Variants in ZNF160 observed in about 807,000 individuals in gnomAD.
ZNF160 encodes KRAB zinc finger protein KR18.
A neutral mutation model predicts 13.1 loss-of-function variants in ZNF160; 9 were observed. That is an observed-to-expected ratio of 0.69 (90% CI 0.41 to 1.20). The LOEUF is 1.20. Among genes scored for constraint, ZNF160 ranks in the 50% most tolerant of loss-of-function variants. The pLI is 0.01. For missense variants in ZNF160, 838 were observed against 988.0 expected (o/e 0.85, Z 2.04); for synonymous variants, 293 against 333.2 (o/e 0.88, Z 1.31).
chr19:53,102,273 C>A (rs923287504), intron 1 of ZNF160, among the ~76,000 whole-genome samples: 1 of 152,150 alleles, frequency 6.6e-6, no homozygotes, highest in Non-Finnish European at 1.5e-5. Context: ...CCTGTTAAAT[C>A]CCCTCTTCCC....
chr19:53,080,161 C>A (rs564672371), intron 3 of ZNF160, among the ~76,000 whole-genome samples: 6 of 149,496 alleles, frequency 4.0e-5, no homozygotes, highest in African/African-American at 1.5e-4. Flanking sequence ...GGCTGGAGTG[C>A]GATCTTGGCT....
At chr19:53,080,415 T>A (rs1368574720) in intron 3 of ZNF160, among the ~76,000 whole-genome samples, 2 of 152,170 alleles carry the variant, frequency 1.3e-5, no homozygotes, top group Non-Finnish European at 2.9e-5. Flanking sequence ...GCAGTACTCT[T>A]AAACGCCAAT....
chr19:53,072,083 T>C (rs1220984505), intron 5 of ZNF160, among the ~76,000 whole-genome samples: 2 of 151,762 alleles, frequency 1.3e-5, no homozygotes, highest in Non-Finnish European at 2.9e-5. Flanking sequence ...AAGTGGTACA[T>C]GACAGTTATA....
intron 2 of ZNF160, among the ~76,000 whole-genome samples, chr19:53,089,469 C>T (rs1282577583): frequency 6.6e-6 from 1 of 152,158 alleles, no homozygotes; most frequent in Non-Finnish European, 1.5e-5. Flanking sequence ...GTTCTCGCCC[C>T]TACCCAACCC....
At chr19:53,086,137 A>G in intron 3 of ZNF160, 125 bp downstream of exon 3, 1 of 1,326,176 alleles carries the variant, frequency 7.5e-7, no homozygotes, top group Non-Finnish European at 1.1e-6. Flanking sequence ...GACTGAGGGA[A>G]GGCGCGGGTG....
At chr19:53,073,434 C>T (rs1056584215) in intron 5 of ZNF160, 4 of 1,598,412 alleles carry the variant, frequency 2.5e-6, no homozygotes, top group Non-Finnish European at 2.5e-6. Flanking sequence ...GCGGAGACGG[C>T]TGGAGACTCT....
intron 1 of ZNF160, among the ~76,000 whole-genome samples, chr19:53,093,844 T>C (rs2145943191): frequency 6.6e-6 from 1 of 152,258 alleles, no homozygotes; most frequent in Admixed American, 6.5e-5. Flanking sequence ...TACTGAATGT[T>C]CCTGTCACAC....
chr19:53,099,661 G>C (rs1392316365), intron 1 of ZNF160, among the ~76,000 whole-genome samples: 1 of 152,170 alleles, frequency 6.6e-6, no homozygotes, highest in Non-Finnish European at 1.5e-5. Flanking sequence ...TTAAAGGACT[G>C]AGTCCCATTT....
chr19:53,083,049 T>C (rs1047212840), intron 3 of ZNF160, among the ~76,000 whole-genome samples: 10 of 152,178 alleles, frequency 6.6e-5, no homozygotes, highest in East Asian at 5.8e-4. Context: ...CAGTGAAGTA[T>C]TGGAAAAGGG....
intron 3 of ZNF160, among the ~76,000 whole-genome samples, chr19:53,080,425 T>C (rs2145704064): frequency 6.6e-6 from 1 of 152,240 alleles, no homozygotes; most frequent in Non-Finnish European, 1.5e-5. Context: ...TAAACGCCAA[T>C]AATGTTCAAG....
chr19:53,084,092 C>A (rs10420066), intron 3 of ZNF160, among the ~76,000 whole-genome samples: 77,105 of 151,724 alleles, frequency 0.51, 20,033 homozygotes, highest in Middle Eastern at 0.61. Context: ...AGGAGGTTAC[C>A]TCGAGAAACA....
chr19:53,078,076 CA>C, intron 3 of ZNF160, among the ~76,000 whole-genome samples: 1 of 152,108 alleles, frequency 6.6e-6, no homozygotes, highest in East Asian at 1.9e-4. Context: ...CTCATCTCTA[CA>C]AAAATACAAA....
intron 1 of ZNF160, among the ~76,000 whole-genome samples, chr19:53,098,619 TCA>T (rs2085324450): frequency 6.6e-6 from 1 of 151,822 alleles, no homozygotes; most frequent in South Asian, 2.1e-4. Context: ...GTCTCTCCAC[TCA>T]CAGTCCCCTG....
intron 1 of ZNF160, among the ~76,000 whole-genome samples, chr19:53,096,835 A>C (rs576549601): frequency 1.6e-5 from 2 of 128,788 alleles, no homozygotes; most frequent in Non-Finnish European, 3.4e-5. Flanking sequence ...GAAAGGGAGA[A>C]GCGTGTGCAT....
chr19:53,070,883 C>T (rs941792946), intron 5 of ZNF160, among the ~76,000 whole-genome samples: 2 of 151,354 alleles, frequency 1.3e-5, no homozygotes, highest in African/African-American at 4.9e-5. Flanking sequence ...AGCAAGACTC[C>T]ATCTCTACAA....
At chr19:53,095,135 A>C (rs1600911143) in intron 1 of ZNF160, among the ~76,000 whole-genome samples, 1 of 99,538 alleles carries the variant, frequency 1.0e-5, no homozygotes, top group Non-Finnish European at 2.0e-5. Context: ...CCCAGACCGC[A>C]CCCCAGGGCG....
intron 1 of ZNF160, among the ~76,000 whole-genome samples, chr19:53,099,956 G>GGC (rs1304234101): frequency 6.6e-6 from 1 of 152,180 alleles, no homozygotes; most frequent in Non-Finnish European, 1.5e-5. Flanking sequence ...AAAATTCCAG[G>GGC]ATCTTCTTTC....
At chr19:53,102,549 GC>G (rs1321029328) in intron 1 of ZNF160, among the ~76,000 whole-genome samples, 1 of 152,138 alleles carries the variant, frequency 6.6e-6, no homozygotes, top group Non-Finnish European at 1.5e-5. Flanking sequence ...TTGCTTTTCT[GC>G]CCCTGCTACT....
chr19:53,102,798 CA>C (rs1357028429), intron 1 of ZNF160, among the ~76,000 whole-genome samples: 2 of 152,172 alleles, frequency 1.3e-5, no homozygotes, highest in Non-Finnish European at 2.9e-5. Context: ...GCTGGGCAGG[CA>C]AAAACACCGG....
Sources: gnomAD v4.1 joint callset for allele counts (sites outside exome capture counted in the v4.1 genomes callset) on GRCh38, gnomAD v4.1.1 for gene constraint, MANE v1.5 for transcripts, NCBI Gene and HGNC (gene_info 2026-07-23, HGNC 2026-07-21) for gene names.